The following RAPGEF1 variants were observed in gnomAD, a reference collection of about 807,000 sequenced individuals.
The protein encoded by RAPGEF1 is Rap guanine nucleotide exchange factor 1, also known as CRK SH3-binding GNRP.
A neutral mutation model predicts 143.3 loss-of-function variants in RAPGEF1; 33 were observed. That is an observed-to-expected ratio of 0.23 (90% CI 0.17 to 0.31). The LOEUF is 0.31. Among genes scored for constraint, RAPGEF1 ranks in the 10% least tolerant of loss-of-function variants. RAPGEF1 has a pLI of 1.00. For missense variants in RAPGEF1, 1,199 were observed against 1,645.4 expected, an observed-to-expected ratio of 0.73 and a Z score of 4.69; for synonymous variants, 629 against 676.5, an observed-to-expected ratio of 0.93 and a Z score of 1.09.
chr9:131,698,639 G>C (rs185257798), intron 1 of RAPGEF1, among the ~76,000 whole-genome samples: 1 of 152,346 alleles, frequency 6.6e-6, no homozygotes, highest in Admixed American at 6.5e-5. Flanking sequence ...CTTGAATCTG[G>C]GCTGGCCTGT....
intron 5 of RAPGEF1, among the ~76,000 whole-genome samples, chr9:131,637,572 A>G (rs993504954): frequency 1.4e-4 from 22 of 152,160 alleles, no homozygotes; most frequent in Admixed American, 4.6e-4. Context: ...GACCTGGGGT[A>G]AACACCTCAG....
At chr9:131,620,869 A>T (rs1192492862) in intron 11 of RAPGEF1, among the ~76,000 whole-genome samples, 1 of 152,164 alleles carries the variant, frequency 6.6e-6, no homozygotes, top group Non-Finnish European at 1.5e-5. Flanking sequence ...GTCCTCTCGC[A>T]ATGGATAAAA....
chr9:131,643,080 C>T (rs544345388), intron 4 of RAPGEF1, among the ~76,000 whole-genome samples, 159 bp downstream of exon 4: 48 of 152,186 alleles, frequency 3.2e-4, no homozygotes, highest in Middle Eastern at 3.4e-3. Context: ...GATGGCATCA[C>T]GGGATAGTTG....
chr9:131,621,579 C>A lies in RAPGEF1; in HGVS notation c.1905+217G>T, dbSNP rs1961039867. Among the ~76,000 whole-genome samples, 1 of 152,158 alleles carries A rather than the reference C, an allele frequency of 6.6e-6. No individual in the cohort carries two copies. Among genetic ancestry groups the A allele is most frequent in the Admixed American group, 6.6e-5 (1 of 15,266 alleles). On this transcript the variant is annotated intron_variant, in intron 11 of 26. Coordinates refer to ENST00000683357, the MANE Select transcript of RAPGEF1 (RefSeq NM_001377935.1). The surrounding 1 kb of genome is among the most constrained non-coding windows in gnomAD (Gnocchi z 4.5). ...TGTGGAAAAGAAAGGTCCCTGCACC[C>A]CAGGGTGGGGAGGTGGTGGAGTGGG...
At chr9:131,611,039 C>T (rs191532334) in intron 12 of RAPGEF1, among the ~76,000 whole-genome samples, 1 of 152,328 alleles carries the variant, frequency 6.6e-6, no homozygotes, top group African/African-American at 2.4e-5. Context: ...GGCCCAGGGG[C>T]AACTCCTTTT....
chr9:131,600,762 G>C (rs1026938667), intron 15 of RAPGEF1, among the ~76,000 whole-genome samples: 2 of 152,124 alleles, frequency 1.3e-5, no homozygotes, highest in Non-Finnish European at 2.9e-5. Context: ...TTGCAGGTGG[G>C]AGTGCCCATT....
chr9:131,587,223 C>A (rs1256875748), intron 22 of RAPGEF1, among the ~76,000 whole-genome samples: 1 of 59,376 alleles, frequency 1.7e-5, no homozygotes, highest in African/African-American at 5.7e-5. Flanking sequence ...CCGTCTCAAA[C>A]ACACACACAC....
At position 131,579,342 on chromosome 9, in the gene RAPGEF1, G is replaced by C. The variant is rs1330783816; in HGVS notation, c.*155C>G. The C allele has an allele frequency of 1.9e-6, 2 of 1,060,796 alleles. No individual in the cohort carries two copies. The highest frequency in any genetic ancestry group is 2.7e-6 in the Non-Finnish European group (2 of 736,830). 65.7% of individuals were successfully genotyped at this position (1,060,796 alleles called of 1,614,324 possible). On this transcript the variant is annotated 3_prime_UTR_variant, in exon 27 of 27. Coordinates refer to ENST00000683357, the MANE Select transcript of RAPGEF1 (RefSeq NM_001377935.1). Reference sequence around the variant, plus strand: ...GAAGGAGGCAGGAAGCGGCTGGCAGGCTCCAGCTCCCGCCCGGCCCCGCTG... The same window carrying C: ...GAAGGAGGCAGGAAGCGGCTGGCAGCCTCCAGCTCCCGCCCGGCCCCGCTG...
intron 1 of RAPGEF1, among the ~76,000 whole-genome samples, chr9:131,688,357 A>G (rs3857981): frequency 0.26 from 38,853 of 152,204 alleles, 5,174 homozygotes; most frequent in Non-Finnish European, 0.3. Flanking sequence ...CTGTTTATAC[A>G]TAAACCAAAT....
intron 6 of RAPGEF1, 78 bp from the exon 7 acceptor site, chr9:131,629,332 G>T: frequency 2.8e-6 from 4 of 1,413,072 alleles, no homozygotes; most frequent in African/African-American, 1.4e-5. Context: ...AGAGGGTGAG[G>T]ACGTGACCAG....
chr9:131,737,496 T>A, intron 1 of RAPGEF1: 2 of 1,613,450 alleles, frequency 1.2e-6, no homozygotes, highest in Non-Finnish European at 1.7e-6. Flanking sequence ...GAGCAGGCAC[T>A]TTCATCTACA....
chr9:131,647,862 G>A (rs1318875983), intron 3 of RAPGEF1, among the ~76,000 whole-genome samples: 3 of 152,134 alleles, frequency 2.0e-5, no homozygotes, highest in Non-Finnish European at 4.4e-5. Context: ...ACATTTTGGG[G>A]CAGAGAATTC....
At position 131,598,248 on chromosome 9, in the gene RAPGEF1, G is replaced by T. The variant is rs758422845; in HGVS notation, c.2564C>A (p.Ser855Tyr). 2 of 1,614,016 alleles carry T rather than the reference G, an allele frequency of 1.2e-6. No homozygotes were observed. Among genetic ancestry groups the T allele is most frequent in the Non-Finnish European group, 1.7e-6 (2 of 1,179,894 alleles). ...AQSEEEVDELSLIDHNEIMSR... is the reference protein window; with the variant it reads ...AQSEEEVDELYLIDHNEIMSR... ...CATAATTTCGTTGTGGTCAATGAGG[G>T]ACAGCTCGTCCACTTCCTCCTCCGA... Residue 855 changes from serine (S) to tyrosine (Y), a missense_variant, in exon 16 of 27, where the codon TCC (serine) becomes TAC (tyrosine). Transcript: ENST00000683357.
intron 1 of RAPGEF1, among the ~76,000 whole-genome samples, chr9:131,654,288 A>G (rs553441085): frequency 6.6e-6 from 1 of 152,362 alleles, no homozygotes; most frequent in South Asian, 2.1e-4. Flanking sequence ...TATGTGAATT[A>G]TATATCAATA....
At chr9:131,631,126 T>C (rs531459372) in intron 5 of RAPGEF1, among the ~76,000 whole-genome samples, 1 of 152,252 alleles carries the variant, frequency 6.6e-6, no homozygotes, top group African/African-American at 2.4e-5. Context: ...GTCCTAGAAC[T>C]TGATATAAAT....
chr9:131,668,044 T>C (rs531200047), intron 1 of RAPGEF1, among the ~76,000 whole-genome samples: 8 of 152,306 alleles, frequency 5.3e-5, no homozygotes, highest in Admixed American at 2.6e-4. Context: ...GCTTTAAAAA[T>C]AGAGAAAAAT....
rs1047710133 is a variant in RAPGEF1, at chr9:131,675,035, G to A, written c.62-24086C>T. On this transcript the variant is annotated intron_variant, in intron 1 of 26. Coordinates refer to ENST00000683357, the MANE Select transcript of RAPGEF1 (RefSeq NM_001377935.1). This position sits in a 1 kb window ranked among gnomAD's most constrained non-coding sequence, Gnocchi z 4.6. Reference sequence around the variant, plus strand: ...GGGGGTTCTGGAGGAGCAGCTGGGAGGGAGGGAGCAGAGAGAAGGCGAGCG... The same window carrying A: ...GGGGGTTCTGGAGGAGCAGCTGGGAAGGAGGGAGCAGAGAGAAGGCGAGCG... Among the ~76,000 whole-genome samples the A allele has an allele frequency of 6.6e-6, 1 of 152,198 alleles. No homozygotes were observed. The highest frequency in any genetic ancestry group is 2.4e-5 in the African/African-American group (1 of 41,456).
chr9:131,706,402 A>C (rs978963635), intron 1 of RAPGEF1, among the ~76,000 whole-genome samples: 2 of 151,980 alleles, frequency 1.3e-5, no homozygotes, highest in African/African-American at 4.8e-5. Context: ...AGCTGGGACT[A>C]CTTGCGCGCG....
At chr9:131,668,522 T>C (rs901315872) in intron 1 of RAPGEF1, among the ~76,000 whole-genome samples, 2 of 152,152 alleles carry the variant, frequency 1.3e-5, no homozygotes, top group African/African-American at 2.4e-5. Flanking sequence ...ACGGTAGTCA[T>C]GGACCTTGGC....
Sources: gnomAD v4.1 joint callset for allele counts (sites outside exome capture counted in the v4.1 genomes callset) on GRCh38, gnomAD v4.1.1 for gene constraint, Gnocchi (gnomAD v3.1) non-coding constraint, MANE v1.5 for transcripts, NCBI Gene and HGNC (gene_info 2026-07-23, HGNC 2026-07-21) for gene names.